Variants in ARMC3 observed in about 807,000 individuals in gnomAD.
The protein encoded by ARMC3 is armadillo repeat-containing protein 3.
ARMC3 carries 74 observed loss-of-function variants against 90.3 expected under a neutral mutation model. The observed-to-expected ratio is 0.82, with a 90% CI of 0.68 to 0.99. The LOEUF is 0.99. ARMC3 is among the 50% of genes least tolerant of loss of function. The pLI is 0.00. For synonymous variants in ARMC3, 334 were observed against 361.8 expected (o/e 0.92, Z 0.87); for missense variants, 958 against 1,042.8 (o/e 0.92, Z 1.12).
In ARMC3 at chr10:22,959,514, G is replaced by T; in HGVS notation, c.477G>T (p.Leu159=). 2 of 1,613,952 alleles carry T rather than the reference G, an allele frequency of 1.2e-6. No individual in the cohort carries two copies. Among genetic ancestry groups the T allele is most frequent in the Non-Finnish European group, 1.7e-6 (2 of 1,179,964 alleles). Residue 159 remains leucine (L), a synonymous_variant, in exon 6 of 19, where the codon CTG becomes CTT. Transcript: ENST00000298032. The stretch of plus-strand genomic sequence containing the variant: ...GATTAGAGCCACTCATCAGACTACT[G>T]AGTAGCCCTGACCCGGATGTAAAGA... The part of the protein sequence containing the change: ...HGGLEPLIRL[L]SSPDPDVKKN...
chr10:22,981,197 G>T (rs1404066169), intron 8 of ARMC3, 143 bp from the exon 9 acceptor site: 3 of 721,706 alleles, frequency 4.2e-6, no homozygotes, highest in Non-Finnish European at 6.7e-6. Flanking sequence ...AAGTTAAATA[G>T]TTGTAGATTT....
chr10:23,020,385 T>C (rs1838463833), intron 16 of ARMC3, among the ~76,000 whole-genome samples: 1 of 152,222 alleles, frequency 6.6e-6, no homozygotes. Context: ...TCCACTCGCC[T>C]TGGACTCCCA....
At chr10:22,978,885 T>G (rs1836061652) in intron 8 of ARMC3, among the ~76,000 whole-genome samples, 1 of 152,246 alleles carries the variant, frequency 6.6e-6, no homozygotes, top group Non-Finnish European at 1.5e-5. Flanking sequence ...GGTCATGCAT[T>G]GTCATTGTAT....
At chr10:23,007,097 A>G (rs1260522204) in intron 14 of ARMC3, 116 bp downstream of exon 14, 1 of 792,784 alleles carries the variant, frequency 1.3e-6, no homozygotes, top group Admixed American at 3.0e-5. Flanking sequence ...TGTATCTAGC[A>G]CCTCCATGAA....
At chr10:22,943,235 C>T (rs1834389417) in intron 2 of ARMC3, among the ~76,000 whole-genome samples, 1 of 152,140 alleles carries the variant, frequency 6.6e-6, no homozygotes, top group Admixed American at 6.5e-5. Flanking sequence ...TTTATTTACC[C>T]TAGTGATGTT....
chr10:22,988,690 C>T (rs1301422789), intron 10 of ARMC3, among the ~76,000 whole-genome samples: 3 of 152,152 alleles, frequency 2.0e-5, no homozygotes, highest in African/African-American at 4.8e-5. Flanking sequence ...TTCCACTTTT[C>T]CTTCTCCATC....
At chr10:22,971,500 G>A (rs1444508507) in intron 8 of ARMC3, among the ~76,000 whole-genome samples, 1 of 149,718 alleles carries the variant, frequency 6.7e-6, no homozygotes, top group Non-Finnish European at 1.5e-5. Context: ...GAGTGCAGTG[G>A]TGTGATCTCA....
At chr10:22,936,938 C>T (rs2131143566) in intron 2 of ARMC3, among the ~76,000 whole-genome samples, 1 of 152,246 alleles carries the variant, frequency 6.6e-6, no homozygotes, top group African/African-American at 2.4e-5. Context: ...GGGTCTTGCT[C>T]TGTCTCCCAG....
At position 23,028,913 on chromosome 10, in the gene ARMC3, T is replaced by C. The variant is rs184175118; in HGVS notation, c.2046-1683T>C. Among the ~76,000 whole-genome samples, 4 of 152,358 alleles carry C rather than the reference T, an allele frequency of 2.6e-5. No homozygotes were observed. The East Asian group carries it at 7.7e-4, about 29-fold the overall frequency. ...TCTTTTCCATAATCTTCCTTGCTTT[T>C]TCTGATTCTTTGGGGACTTCCCTTT... On this transcript the variant is annotated intron_variant, in intron 16 of 18. Coordinates refer to ENST00000298032, the MANE Select transcript of ARMC3 (RefSeq NM_173081.5).
intron 10 of ARMC3, among the ~76,000 whole-genome samples, chr10:22,983,790 T>C (rs956356464): frequency 6.6e-5 from 10 of 152,234 alleles, no homozygotes; most frequent in African/African-American, 2.4e-4. Context: ...ATAGTCCTTC[T>C]AGAAGCCTCC....
intron 16 of ARMC3, among the ~76,000 whole-genome samples, chr10:23,020,073 T>C (rs1199175577): frequency 6.6e-6 from 1 of 152,214 alleles, no homozygotes. Flanking sequence ...TGATTATGAA[T>C]AGAGCTGTTA....
At position 23,006,889 on chromosome 10, in the gene ARMC3, T is replaced by C; in HGVS notation, c.1737T>C (p.Asn579=). The C allele has an allele frequency of 6.2e-7, 1 of 1,614,022 alleles. No homozygotes were observed. Among genetic ancestry groups the C allele is most frequent in the South Asian group, 1.1e-5 (1 of 91,082 alleles). Residue 579 remains asparagine (N), a synonymous_variant, in exon 14 of 19, where the codon AAT becomes AAC. Coordinates refer to ENST00000298032, the MANE Select transcript of ARMC3 (RefSeq NM_173081.5). ...GTCCTTAAATTATCTCACAGATAAA[T>C]CCCGGCACCAAACTGTTGCCTTTGA... ...NDGFYDYGRI[N]PGTKLLPLKE... is the part of the protein sequence containing the mutation.
chr10:22,934,712 T>C (rs140885621), intron 2 of ARMC3, among the ~76,000 whole-genome samples: 1 of 152,200 alleles, frequency 6.6e-6, no homozygotes, highest in East Asian at 1.9e-4. Context: ...TACTGCTTAA[T>C]TCATAGGAAT....
intron 3 of ARMC3, among the ~76,000 whole-genome samples, chr10:22,950,050 A>T (rs1834682449): frequency 6.6e-6 from 1 of 151,728 alleles, no homozygotes; most frequent in Admixed American, 6.5e-5. Context: ...AAGGTCTTTC[A>T]AAAACGTAGG....
Position 22,931,155 on chromosome 10 carries a change from C to A in ARMC3, c.-1-841C>A, listed in dbSNP as rs189296261. Among the ~76,000 whole-genome samples, 32 of 152,266 alleles carry A rather than the reference C, an allele frequency of 2.1e-4. No homozygotes were observed. In the East Asian group the frequency reaches 5.8e-3, roughly 28 times the overall value. ...TGTTGGCCAGGATGGTCTTGAACTC[C>A]TGACCTCGTGATTCGCCCACCTCGG... On this transcript the variant is annotated intron_variant, in intron 1 of 18. Coordinates refer to ENST00000298032, the MANE Select transcript of ARMC3 (RefSeq NM_173081.5).
At chr10:23,018,671 C>T (rs1838385728) in intron 16 of ARMC3, among the ~76,000 whole-genome samples, 1 of 151,970 alleles carries the variant, frequency 6.6e-6, no homozygotes, top group Non-Finnish European at 1.5e-5. Context: ...TGCCTGCCAC[C>T]ACACCTGGCT....
chr10:23,021,320 G>T (rs967825539), intron 16 of ARMC3, among the ~76,000 whole-genome samples: 6 of 152,128 alleles, frequency 3.9e-5, no homozygotes, highest in Admixed American at 3.3e-4. Flanking sequence ...TTTCCTTTGG[G>T]TGTACACCCA....
intron 10 of ARMC3, among the ~76,000 whole-genome samples, chr10:22,993,474 T>TG (rs1486906310): frequency 1.3e-5 from 2 of 152,220 alleles, no homozygotes; most frequent in African/African-American, 4.8e-5. Context: ...ATCGCAGTGT[T>TG]GCTGGATCCT....
intron 1 of ARMC3, among the ~76,000 whole-genome samples, chr10:22,929,574 G>A (rs1043085463): frequency 2.6e-5 from 4 of 152,102 alleles, no homozygotes; most frequent in African/African-American, 9.7e-5. Context: ...AGGAGACAGA[G>A]TCTCGCTCTG....
Sources: allele counts gnomAD v4.1 joint callset (sites outside exome capture counted in the v4.1 genomes callset), GRCh38; gene constraint gnomAD v4.1.1; transcripts MANE v1.5; gene names NCBI Gene and HGNC (gene_info 2026-07-23, HGNC 2026-07-21).